Variants in SLC24A4 observed in about 807,000 individuals in gnomAD.
The protein encoded by SLC24A4 is solute carrier family 24 member 4, also known as sodium/potassium/calcium exchanger 4.
Under a neutral mutation model 79.0 loss-of-function variants are expected in SLC24A4, and 53 were observed. The observed-to-expected ratio is 0.67, with a 90% CI of 0.54 to 0.84. The LOEUF is 0.84. SLC24A4 is among the 40% of genes least tolerant of loss of function. The pLI, the probability that SLC24A4 is intolerant of heterozygous loss-of-function variation, is 0.00. For synonymous variants in SLC24A4, 323 were observed against 323.8 expected, an observed-to-expected ratio of 1.00 and a Z score of 0.03; for missense variants, 731 against 822.0, an observed-to-expected ratio of 0.89 and a Z score of 1.35.
chr14:92,356,270 T>A (rs1300583079), intron 2 of SLC24A4, among the ~76,000 whole-genome samples: 1 of 152,220 alleles, frequency 6.6e-6, no homozygotes, highest in Admixed American at 6.5e-5. Flanking sequence ...AGTGTATTTA[T>A]CGAGATGTGA....
Position 92,447,420 on chromosome 14 carries a change from A to G in SLC24A4, c.733A>G (p.Met245Val), listed in dbSNP as rs546245720. The change falls in exon 9 of 17, where the codon ATG (methionine) becomes GTG (valine). Residue 245 changes from methionine (M) to valine (V), a missense_variant. Physicochemically the swap from Met to Val is conservative, Grantham distance 21. Coordinates refer to ENST00000532405, the MANE Select transcript of SLC24A4 (RefSeq NM_153646.4). Reference sequence around the variant, plus strand: ...CTTGTATGTGTTTTATATTCTGATCATGAAGTAAGTGCCCTTTCTCCTCCC... The same window carrying G: ...CTTGTATGTGTTTTATATTCTGATCGTGAAGTAAGTGCCCTTTCTCCTCCC... ...IILYVFYILIMKYNVKMQAFF... is the reference protein window; with the variant it reads ...IILYVFYILIVKYNVKMQAFF... 1.9e-6 allele frequency: 3 copies of G among 1,614,062 alleles called. No homozygotes were observed. The highest frequency in any genetic ancestry group is 1.7e-5 in the Admixed American group (1 of 60,022).
chr14:92,338,670 T>C (rs879577784), intron 2 of SLC24A4, among the ~76,000 whole-genome samples: 2 of 152,230 alleles, frequency 1.3e-5, no homozygotes, highest in Non-Finnish European at 2.9e-5. Flanking sequence ...GCACGGCAGC[T>C]TGTTCAGCTC....
intron 9 of SLC24A4, among the ~76,000 whole-genome samples, 198 bp from the exon 10 acceptor site, chr14:92,448,876 A>G (rs1157851198): frequency 6.6e-6 from 1 of 152,092 alleles, no homozygotes; most frequent in African/African-American, 2.4e-5. Flanking sequence ...AGCAGGTGCC[A>G]CCAGACAACA....
In SLC24A4 at chr14:92,443,322, G is replaced by C. The variant is rs367909096; in HGVS notation, c.583-78G>C. The C allele has an allele frequency of 3.6e-5, 50 of 1,378,378 alleles. No homozygotes were observed. The Middle Eastern group carries it at 5.3e-4, about 15-fold the overall frequency. 85.4% of individuals were successfully genotyped at this position (1,378,378 alleles called of 1,614,324 possible). On this transcript the variant is annotated intron_variant, in intron 6 of 16. Transcript: ENST00000532405. Reference sequence around the variant, plus strand: ...CTCTGTGGGCATGCCCTGCACTGCGGGGGGAGGAGGCCTGGGCAGCTGCAC... The same window carrying C: ...CTCTGTGGGCATGCCCTGCACTGCGCGGGGAGGAGGCCTGGGCAGCTGCAC...
intron 2 of SLC24A4, among the ~76,000 whole-genome samples, chr14:92,431,274 C>T (rs991201659): frequency 3.3e-5 from 5 of 152,194 alleles, no homozygotes; most frequent in African/African-American, 7.2e-5. Context: ...TCACTTCTTA[C>T]GGCCCAGGTT....
chr14:92,421,499 C>A lies in SLC24A4; in HGVS notation c.242-12413C>A, dbSNP rs1595254308. On this transcript the variant is annotated intron_variant, in intron 2 of 16. Coordinates refer to ENST00000532405, the MANE Select transcript of SLC24A4 (RefSeq NM_153646.4). ...CTTCTGTGCTGGATTCTTTCATACACCACGATTTTTTTGTTTTTGTTTTTT... is the reference window on the plus strand; with the variant it reads ...CTTCTGTGCTGGATTCTTTCATACAACACGATTTTTTTGTTTTTGTTTTTT... 2.6e-5 allele frequency among the ~76,000 whole-genome samples: 4 copies of A among 152,052 alleles called. No individual in the cohort carries two copies. In the East Asian group the frequency reaches 7.8e-4, roughly 30 times the overall value.
At chr14:92,470,382 A>G (rs1051519319) in intron 12 of SLC24A4, among the ~76,000 whole-genome samples, 10 of 152,174 alleles carry the variant, frequency 6.6e-5, no homozygotes, top group Non-Finnish European at 1.0e-4. Context: ...TGCAAACCAC[A>G]GGTTAACCAC....
chr14:92,329,440 G>A (rs987044754), intron 2 of SLC24A4, among the ~76,000 whole-genome samples: 4 of 152,204 alleles, frequency 2.6e-5, no homozygotes, highest in South Asian at 2.1e-4. Flanking sequence ...CTTGGTGTTA[G>A]CGTTTTGATC....
chr14:92,416,577 A>G (rs1265282065), intron 2 of SLC24A4, among the ~76,000 whole-genome samples: 4 of 152,156 alleles, frequency 2.6e-5, no homozygotes, highest in Admixed American at 6.5e-5. Flanking sequence ...AGAGATGCCT[A>G]AGGAAGGAAA....
At chr14:92,445,019 C>T (rs1328882606) in intron 7 of SLC24A4, among the ~76,000 whole-genome samples, 13 of 151,888 alleles carry the variant, frequency 8.6e-5, no homozygotes, top group African/African-American at 1.2e-4. Context: ...AGCAACTCTA[C>T]TCCATGAATA....
At chr14:92,335,037 G>A (rs866735096) in intron 2 of SLC24A4, among the ~76,000 whole-genome samples, 8 of 152,168 alleles carry the variant, frequency 5.3e-5, no homozygotes, top group East Asian at 1.9e-4. Context: ...TCAGTTTGCC[G>A]ATGAAGTGAA....
rs1457143512 is a variant in SLC24A4, at chr14:92,354,631, A to G, written c.241+28653A>G. ...TTAATAGAATAGAATTAATGTGCACACAAATCACTTGGGGAATCTTGTGAA... is the reference window on the plus strand; with the variant it reads ...TTAATAGAATAGAATTAATGTGCACGCAAATCACTTGGGGAATCTTGTGAA... On this transcript the variant is annotated intron_variant, in intron 2 of 16. Coordinates refer to ENST00000532405, the MANE Select transcript of SLC24A4 (RefSeq NM_153646.4). 2.0e-5 allele frequency among the ~76,000 whole-genome samples: 3 copies of G among 152,244 alleles called. No homozygotes were observed. In the East Asian group the frequency reaches 5.8e-4, roughly 29 times the overall value.
chr14:92,415,025 T>C (rs1244615631), intron 2 of SLC24A4, among the ~76,000 whole-genome samples: 1 of 152,178 alleles, frequency 6.6e-6, no homozygotes, highest in Admixed American at 6.5e-5. Flanking sequence ...GGTGTGCACC[T>C]GCAGATGGGG....
chr14:92,382,101 T>C (rs1888884864), intron 2 of SLC24A4, among the ~76,000 whole-genome samples: 1 of 151,674 alleles, frequency 6.6e-6, no homozygotes, highest in Non-Finnish European at 1.5e-5. Context: ...TATATATATA[T>C]AAACATACAC....
At chr14:92,442,278 A>G in intron 5 of SLC24A4, 105 bp downstream of exon 5, 1 of 846,624 alleles carries the variant, frequency 1.2e-6, no homozygotes, top group Admixed American at 2.3e-5. Context: ...TCTCATCTGT[A>G]AAATGGGAGA....
At chr14:92,384,379 GT>G (rs974869929) in intron 2 of SLC24A4, among the ~76,000 whole-genome samples, 25 of 151,616 alleles carry the variant, frequency 1.6e-4, no homozygotes, top group African/African-American at 5.8e-4. Flanking sequence ...ATGCCCTGAT[GT>G]TTTTTTCAGG....
chr14:92,385,225 G>A (rs1244221976), intron 2 of SLC24A4, among the ~76,000 whole-genome samples: 3 of 152,106 alleles, frequency 2.0e-5, no homozygotes, highest in South Asian at 2.1e-4. Context: ...AAATCATGCC[G>A]GCCAGGCGCG....
chr14:92,340,614 G>T (rs965116932), intron 2 of SLC24A4, among the ~76,000 whole-genome samples: 11 of 152,114 alleles, frequency 7.2e-5, no homozygotes, highest in African/African-American at 2.7e-4. Flanking sequence ...TGTGTCTCAC[G>T]TGAGGATTTA....
chr14:92,383,561 A>G (rs1250050957), intron 2 of SLC24A4, among the ~76,000 whole-genome samples: 1 of 152,060 alleles, frequency 6.6e-6, no homozygotes, highest in Non-Finnish European at 1.5e-5. Context: ...ACTGCACTTA[A>G]ATCCCCCCTG....
Sources: gnomAD v4.1 joint callset for allele counts (sites outside exome capture counted in the v4.1 genomes callset) on GRCh38, gnomAD v4.1.1 for gene constraint, MANE v1.5 for transcripts, NCBI Gene and HGNC (gene_info 2026-07-23, HGNC 2026-07-21) for gene names.